DNM3: variants seen among roughly 807,000 people sequenced by gnomAD.
DNM3 encodes dynamin-3.
Under a neutral mutation model 101.6 loss-of-function variants are expected in DNM3, and 47 were observed. That is an observed-to-expected ratio of 0.46 (90% CI 0.37 to 0.59). DNM3 has a LOEUF of 0.59. Among genes scored for constraint, DNM3 ranks in the 20% least tolerant of loss-of-function variants. The pLI is 0.00. For synonymous variants in DNM3, 385 were observed against 387.9 expected, an observed-to-expected ratio of 0.99 and a Z score of 0.09; for missense variants, 849 against 1,085.7, an observed-to-expected ratio of 0.78 and a Z score of 3.06.
intron 15 of DNM3, among the ~76,000 whole-genome samples, chr1:172,272,766 T>C (rs995838567): frequency 3.3e-5 from 5 of 152,130 alleles, no homozygotes; most frequent in Non-Finnish European, 5.9e-5. Flanking sequence ...ATTAACTCTG[T>C]CATTTTAAAA....
chr1:172,231,901 TAGAA>T (rs1265720651), intron 14 of DNM3, among the ~76,000 whole-genome samples: 1 of 152,002 alleles, frequency 6.6e-6, no homozygotes, highest in Non-Finnish European at 1.5e-5. Context: ...GAAAAAGGAA[TAGAA>T]AGAAACAAAC....
At chr1:172,378,486 A>C (rs2068728034) in intron 17 of DNM3, among the ~76,000 whole-genome samples, 1 of 148,682 alleles carries the variant, frequency 6.7e-6, no homozygotes, top group Non-Finnish European at 1.5e-5. Flanking sequence ...ATGGAAGAAT[A>C]AATTATCTTC....
intron 17 of DNM3, among the ~76,000 whole-genome samples, chr1:172,352,288 G>A (rs1203939139): frequency 6.6e-6 from 1 of 152,142 alleles, no homozygotes. Flanking sequence ...TCCATTAAAG[G>A]CTAAAAAAGT....
rs191047423 is a variant in DNM3, at chr1:172,296,660, A to G, written c.1770-12068A>G. 3.3e-3 allele frequency among the ~76,000 whole-genome samples: 495 copies of G among 152,222 alleles called. 3 individuals are homozygous for G. The highest frequency in any genetic ancestry group is 5.0e-3 in the Non-Finnish European group (343 of 68,004). ...TGTCACACCTCCCTTTCCAATTATA[A>G]GGGTTTGTTTCGTGCTATTCAATAA... On this transcript the variant is annotated intron_variant, in intron 15 of 20. Transcript: ENST00000627582.
At chr1:172,243,481 A>G (rs527692716) in intron 14 of DNM3, among the ~76,000 whole-genome samples, 3 of 152,280 alleles carry the variant, frequency 2.0e-5, no homozygotes, top group African/African-American at 7.2e-5. Context: ...AAGAGGAGGT[A>G]GGAACCAGGA....
chr1:172,219,335 A>T (rs1013889676), intron 14 of DNM3, among the ~76,000 whole-genome samples: 1 of 143,420 alleles, frequency 7.0e-6, no homozygotes, highest in Non-Finnish European at 1.5e-5. Flanking sequence ...GCACTGCAGT[A>T]TCACTGCACT....
At chr1:172,074,750 A>G (rs570925959) in intron 11 of DNM3, among the ~76,000 whole-genome samples, 1 of 152,310 alleles carries the variant, frequency 6.6e-6, no homozygotes, top group East Asian at 1.9e-4. Flanking sequence ...AGTCTTTGCT[A>G]TTATGAACAG....
chr1:172,303,208 C>A (rs904986764), intron 15 of DNM3, among the ~76,000 whole-genome samples: 8 of 152,056 alleles, frequency 5.3e-5, no homozygotes, highest in African/African-American at 1.9e-4. Context: ...GAGCTGAAAA[C>A]CATGGCATGA....
At chr1:171,985,866 G>C (rs2045214724) in intron 2 of DNM3, among the ~76,000 whole-genome samples, 1 of 152,160 alleles carries the variant, frequency 6.6e-6, no homozygotes, top group Non-Finnish European at 1.5e-5. Context: ...GACAAAGCAA[G>C]ATAAGGGTGT....
chr1:172,387,481 C>T, intron 19 of DNM3, 122 bp downstream of exon 19: 2 of 793,582 alleles, frequency 2.5e-6, no homozygotes, highest in East Asian at 5.6e-5. Context: ...CATAGTGAAA[C>T]CCTGTCTCTA....
intron 11 of DNM3, among the ~76,000 whole-genome samples, chr1:172,081,563 T>A (rs80205790): frequency 0.039 from 5,954 of 152,268 alleles, 124 homozygotes; most frequent in Middle Eastern, 0.071. Context: ...AGATTCTGTA[T>A]TAAGGTAGCA....
At chr1:172,325,983 C>A (rs1288713188) in intron 17 of DNM3, among the ~76,000 whole-genome samples, 1 of 152,130 alleles carries the variant, frequency 6.6e-6, no homozygotes, top group Non-Finnish European at 1.5e-5. Context: ...GTATATGGAA[C>A]AATCCTGCTA....
At chr1:172,382,537 C>A (rs1041550671) in intron 18 of DNM3, among the ~76,000 whole-genome samples, 12 of 152,124 alleles carry the variant, frequency 7.9e-5, no homozygotes, top group Non-Finnish European at 1.8e-4. Flanking sequence ...CTGGGGGTGG[C>A]AGAGTTAAGA....
At chr1:172,377,249 T>C (rs1212454404) in intron 17 of DNM3, among the ~76,000 whole-genome samples, 3 of 151,826 alleles carry the variant, frequency 2.0e-5, no homozygotes, top group Non-Finnish European at 4.4e-5. Flanking sequence ...TTATATGGGT[T>C]GACAATTACG....
chr1:172,073,839 C>T (rs1029023719), intron 11 of DNM3, among the ~76,000 whole-genome samples: 6 of 152,130 alleles, frequency 3.9e-5, no homozygotes, highest in East Asian at 1.9e-4. Context: ...CACAAGGAAA[C>T]GTAGAAAGAG....
intron 15 of DNM3, among the ~76,000 whole-genome samples, chr1:172,283,452 A>G (rs1407399625): frequency 6.6e-6 from 1 of 151,998 alleles, no homozygotes; most frequent in Non-Finnish European, 1.5e-5. Flanking sequence ...TTCCTCAAGT[A>G]TATTCATTCC....
At chr1:171,954,692 T>A (rs371814792) in intron 2 of DNM3, among the ~76,000 whole-genome samples, 113 of 152,296 alleles carry the variant, frequency 7.4e-4, no homozygotes, top group Admixed American at 1.2e-3. Flanking sequence ...GGAGGTTTAG[T>A]CCTTGGTAAC....
chr1:171,980,352 A>G (rs1421615426), intron 2 of DNM3, among the ~76,000 whole-genome samples: 1 of 152,156 alleles, frequency 6.6e-6, no homozygotes, highest in Non-Finnish European at 1.5e-5. Context: ...ATATTTATGG[A>G]GTACAGTATG....
chr1:172,365,809 T>TA (rs539146717), intron 17 of DNM3, among the ~76,000 whole-genome samples: 235 of 151,900 alleles, frequency 1.5e-3, no homozygotes, highest in African/African-American at 5.5e-3. Flanking sequence ...AAGAGATGAG[T>TA]AAAAAATAAC....
Sources: gnomAD v4.1 joint callset for allele counts (sites outside exome capture counted in the v4.1 genomes callset) on GRCh38, gnomAD v4.1.1 for gene constraint, MANE v1.5 for transcripts, NCBI Gene and HGNC (gene_info 2026-07-23, HGNC 2026-07-21) for gene names.